EPB41L5: variants seen among roughly 807,000 people sequenced by gnomAD.
The protein encoded by EPB41L5 is band 4.1-like protein 5.
In EPB41L5, 55 loss-of-function variants were observed where a neutral mutation model predicts 106.6. The ratio of observed to expected loss-of-function variants is 0.52; its 90% CI spans 0.42 to 0.65. The LOEUF (loss-of-function observed/expected upper bound fraction) is 0.65. Ranked by LOEUF, EPB41L5 falls within the 30% of genes least tolerant of loss-of-function variation. The pLI is 0.00. For missense variants in EPB41L5, 871 were observed against 882.1 expected, an observed-to-expected ratio of 0.99 and a Z score of 0.16; for synonymous variants, 297 against 306.7, an observed-to-expected ratio of 0.97 and a Z score of 0.33.
chr2:120,112,881 A>G (rs778435792), intron 16 of EPB41L5, among the ~76,000 whole-genome samples: 4 of 152,238 alleles, frequency 2.6e-5, no homozygotes, highest in Non-Finnish European at 4.4e-5. Context: ...TAGTGAAGAA[A>G]TGAAGGCACA....
chr2:120,123,103 G>A (rs1175887898), intron 16 of EPB41L5, among the ~76,000 whole-genome samples: 1 of 152,054 alleles, frequency 6.6e-6, no homozygotes, highest in Non-Finnish European at 1.5e-5. Flanking sequence ...CTGATTGTTG[G>A]TTGCACAGAT....
chr2:120,130,497 T>C lies in EPB41L5; in HGVS notation c.1502-1121T>C, dbSNP rs13423966. 1.9e-3 allele frequency among the ~76,000 whole-genome samples: 287 copies of C among 152,318 alleles called. 1 individual carries two copies. The highest frequency in any genetic ancestry group is 6.5e-3 in the African/African-American group (271 of 41,566). On this transcript the variant is annotated intron_variant, in intron 17 of 24. Transcript: ENST00000263713. Reference sequence around the variant, plus strand: ...AGGATGTTCCTTGGACAAAATAGTATAGCAGAAAAAGGTTTAACAACAACA... The same window carrying C: ...AGGATGTTCCTTGGACAAAATAGTACAGCAGAAAAAGGTTTAACAACAACA...
At chr2:120,098,874 T>C (rs1290553732) in intron 14 of EPB41L5, among the ~76,000 whole-genome samples, 1 of 152,250 alleles carries the variant, frequency 6.6e-6, no homozygotes, top group Non-Finnish European at 1.5e-5. Context: ...GGATCCTCTA[T>C]TCAGAGGTTG....
chr2:120,024,052 G>C (rs1173813091), intron 2 of EPB41L5, among the ~76,000 whole-genome samples: 1 of 152,194 alleles, frequency 6.6e-6, no homozygotes, highest in Non-Finnish European at 1.5e-5. Context: ...TGTTGAAGTT[G>C]TTTATCAGCT....
intron 3 of EPB41L5, among the ~76,000 whole-genome samples, chr2:120,055,481 A>ATTTTTTTTTTTTTTT (rs34856540): frequency 1.2e-5 from 1 of 85,554 alleles, no homozygotes; most frequent in Non-Finnish European, 2.2e-5. Flanking sequence ...TAGGTTTTTA[A>ATTTTTTTTTTTTTTT]TTTTTTTTTT....
intron 1 of EPB41L5, among the ~76,000 whole-genome samples, chr2:120,015,771 C>G (rs1677473004): frequency 6.6e-6 from 1 of 151,906 alleles, no homozygotes; most frequent in Non-Finnish European, 1.5e-5. Flanking sequence ...TAGCAAGACC[C>G]TGTCTCTACA....
intron 20 of EPB41L5, chr2:120,160,642 T>C (rs906658170): frequency 2.2e-6 from 1 of 449,880 alleles, no homozygotes; most frequent in African/African-American, 2.0e-5. Context: ...TTACCCTTTC[T>C]ATGGGTCCTC....
chr2:120,042,932 G>A (rs1679491611), intron 3 of EPB41L5, among the ~76,000 whole-genome samples: 1 of 151,754 alleles, frequency 6.6e-6, no homozygotes, highest in Non-Finnish European at 1.5e-5. Context: ...CTGGACAGTA[G>A]GAGGCAGAGG....
intron 17 of EPB41L5, 58 bp downstream of exon 17, chr2:120,127,909 A>G: frequency 7.1e-7 from 1 of 1,414,356 alleles, no homozygotes; most frequent in Non-Finnish European, 9.5e-7. Flanking sequence ...TTGAAATAAG[A>G]TATTTAAATC....
At chr2:120,042,995 A>ATGTGTGTGTGTGTG (rs60253351) in intron 3 of EPB41L5, among the ~76,000 whole-genome samples, 10 of 70,030 alleles carry the variant, frequency 1.4e-4, no homozygotes, top group African/African-American at 3.6e-4. Context: ...TTTTCTGGAA[A>ATGTGTGTGTGTGTG]TGTGTGTGTG....
At position 120,019,228 on chromosome 2, in the gene EPB41L5, C is replaced by T; in HGVS notation, c.144C>T (p.Ser48=). ...AGTCCATCATCACGTGTCGGGTGTC[C>T]CTTCTGGATGGTACTGATGTTAGTG... ...DSKSIITCRV[S]LLDGTDVSVD... is the part of the protein sequence containing the mutation. The change falls in exon 2 of 25, where the codon TCC becomes TCT. Residue 48 remains serine, a synonymous_variant. Transcript: ENST00000263713. The T allele has an allele frequency of 5.0e-6, 8 of 1,613,738 alleles. No homozygotes were observed. The highest frequency in any genetic ancestry group is 6.8e-6 in the Non-Finnish European group (8 of 1,179,960).
intron 3 of EPB41L5, among the ~76,000 whole-genome samples, chr2:120,062,940 T>C (rs1286838004): frequency 6.6e-6 from 1 of 152,146 alleles, no homozygotes; most frequent in Non-Finnish European, 1.5e-5. Flanking sequence ...TGATGAACTT[T>C]TACTGGGTTC....
chr2:120,083,137 C>G (rs955680924), intron 10 of EPB41L5, among the ~76,000 whole-genome samples: 57 of 152,210 alleles, frequency 3.7e-4, no homozygotes, highest in African/African-American at 1.2e-3. Flanking sequence ...TATTTCCTGC[C>G]TTCTGCTAGC....
At chr2:120,084,269 T>TTTAGTGCA (rs1177230512) in intron 10 of EPB41L5, among the ~76,000 whole-genome samples, 1 of 152,308 alleles carries the variant, frequency 6.6e-6, no homozygotes, top group African/African-American at 2.4e-5. Context: ...GTACCAGTTG[T>TTTAGTGCA]TCCTTTCCGT....
At chr2:120,158,887 A>G (rs1687014691) in intron 20 of EPB41L5, among the ~76,000 whole-genome samples, 2 of 152,252 alleles carry the variant, frequency 1.3e-5, no homozygotes, top group Admixed American at 6.5e-5. Context: ...CAACTTCAGC[A>G]AAGTCTAAGG....
At chr2:120,092,382 T>C (rs1218212639) in intron 13 of EPB41L5, among the ~76,000 whole-genome samples, 1 of 152,194 alleles carries the variant, frequency 6.6e-6, no homozygotes, top group African/African-American at 2.4e-5. Context: ...TATTATAATA[T>C]TAAGGATTGT....
chr2:120,042,470 A>G (rs1679463419), intron 3 of EPB41L5, among the ~76,000 whole-genome samples: 3 of 152,158 alleles, frequency 2.0e-5, no homozygotes, highest in South Asian at 4.1e-4. Flanking sequence ...TGGGTAAACA[A>G]TAGTAGTTTT....
chr2:120,114,367 G>A (rs560265339), intron 16 of EPB41L5, among the ~76,000 whole-genome samples: 1 of 152,162 alleles, frequency 6.6e-6, no homozygotes, highest in South Asian at 2.1e-4. Context: ...TCTTTTCCTG[G>A]GCTGTAATAT....
chr2:120,080,014 G>T (rs527858281), intron 10 of EPB41L5, among the ~76,000 whole-genome samples: 1 of 152,034 alleles, frequency 6.6e-6, no homozygotes, highest in South Asian at 2.1e-4. Flanking sequence ...GCCTTAAAAT[G>T]ATTTTTTTGT....
Sources: allele counts gnomAD v4.1 joint callset (sites outside exome capture counted in the v4.1 genomes callset), GRCh38; gene constraint gnomAD v4.1.1; transcripts MANE v1.5; gene names NCBI Gene and HGNC (gene_info 2026-07-23, HGNC 2026-07-21).